Variants in ADAM23 observed in about 807,000 individuals in gnomAD.
ADAM23 encodes the protein ADAM metallopeptidase domain 23, also known as disintegrin and metalloproteinase domain-containing protein 23.
ADAM23 carries 33 observed loss-of-function variants against 120.1 expected under a neutral mutation model. The ratio of observed to expected loss-of-function variants is 0.27; its 90% confidence interval spans 0.21 to 0.37. The LOEUF is 0.37. ADAM23 is among the 10% of genes least tolerant of loss of function. The pLI is 1.00. For synonymous variants in ADAM23, 367 were observed against 375.2 expected (o/e 0.98, Z 0.25); for missense variants, 862 against 1,058.2 (o/e 0.81, Z 2.57).
chr2:206,469,518 A>G (rs1351447924), intron 2 of ADAM23, among the ~76,000 whole-genome samples: 4 of 152,130 alleles, frequency 2.6e-5, no homozygotes, highest in African/African-American at 9.7e-5. Context: ...TCTTAAGGCT[A>G]CTCTGCTTCT....
At chr2:206,605,810 C>T (rs750960354) in intron 24 of ADAM23, 18 of 701,780 alleles carry the variant, frequency 2.6e-5, no homozygotes, top group South Asian at 2.5e-4. Flanking sequence ...CACAAGCAGG[C>T]TAATAGGGGC....
rs1699028979 is a variant in ADAM23, at chr2:206,620,222, AC to A, written c.*2596del. On this transcript the variant is annotated 3_prime_UTR_variant, in exon 26 of 26. Coordinates refer to ENST00000264377, the MANE Select transcript of ADAM23 (RefSeq NM_003812.4). ...AACAACATTGTAAATGTGCGATGTT[AC>A]GTTTTAAATCAGACCACAGTGGTCC... 6.6e-6 allele frequency: 1 copy of A among 152,210 alleles called. No individual in the cohort carries two copies. The highest frequency in any genetic ancestry group is 2.1e-4 in the South Asian group (1 of 4,834). The allele number at this position is 152,210 out of a possible 1,614,324, so 9.4% of individuals were successfully genotyped here. A position where few individuals can be genotyped will look rare whatever the true frequency, so the allele number is the denominator to read the frequency against.
intron 3 of ADAM23, among the ~76,000 whole-genome samples, chr2:206,523,670 G>T (rs988723356): frequency 1.3e-5 from 2 of 151,864 alleles, no homozygotes; most frequent in African/African-American, 4.8e-5. Context: ...TTGAAAAATT[G>T]TTATACTTTT....
At chr2:206,612,422 G>C (rs144317120) in intron 25 of ADAM23, among the ~76,000 whole-genome samples, 2,234 of 152,250 alleles carry the variant, frequency 0.015, 21 homozygotes, top group Non-Finnish European at 0.024. Context: ...AGAATCAGAA[G>C]TTGAAAATAG....
chr2:206,477,891 A>ATATATATATATATATATATAT (rs1229595648), intron 2 of ADAM23, among the ~76,000 whole-genome samples: 36 of 94,388 alleles, frequency 3.8e-4, no homozygotes, highest in Middle Eastern at 5.0e-3. Flanking sequence ...AAAAAAAAAA[A>ATATATATATATATATATATAT]AAAAAAATAT....
At chr2:206,500,037 AT>A (rs1456138117) in intron 3 of ADAM23, among the ~76,000 whole-genome samples, 4 of 152,044 alleles carry the variant, frequency 2.6e-5, no homozygotes, top group East Asian at 1.9e-4. Context: ...GTTTGGAAGT[AT>A]TTTTTTATTA....
At chr2:206,516,053 G>A (rs1232249346) in intron 3 of ADAM23, among the ~76,000 whole-genome samples, 1 of 151,848 alleles carries the variant, frequency 6.6e-6, no homozygotes, top group Non-Finnish European at 1.5e-5. Flanking sequence ...TATTCACCCA[G>A]TTTAAAGAAG....
At chr2:206,461,309 G>T (rs1409020221) in intron 2 of ADAM23, among the ~76,000 whole-genome samples, 1 of 152,038 alleles carries the variant, frequency 6.6e-6, no homozygotes, top group Non-Finnish European at 1.5e-5. Context: ...TGACCCACCT[G>T]CCTTGGCCTC....
intron 19 of ADAM23, among the ~76,000 whole-genome samples, 186 bp from the exon 20 acceptor site, chr2:206,587,905 G>GTTTAGAGT: frequency 6.6e-6 from 1 of 152,212 alleles, no homozygotes; most frequent in Non-Finnish European, 1.5e-5. Flanking sequence ...AATGAGTTCT[G>GTTTAGAGT]TTTAGAGTTT....
In ADAM23 at chr2:206,619,287, A is replaced by T. The variant is rs1228515100; in HGVS notation, c.*1660A>T. On this transcript the variant is annotated 3_prime_UTR_variant, in exon 26 of 26. Coordinates refer to ENST00000264377, the MANE Select transcript of ADAM23 (RefSeq NM_003812.4). ...CCCTCCAGCCAGATTTGCAGATGTA[A>T]TCTGGGCTTTCCAAGTCCCTCTGAG... 1 of 152,218 alleles carries T rather than the reference A, an allele frequency of 6.6e-6. No homozygotes were observed. The highest frequency in any genetic ancestry group is 2.4e-5 in the African/African-American group (1 of 41,452). The allele number at this position is 152,218 out of a possible 1,614,324, so 9.4% of individuals were successfully genotyped here.
At chr2:206,588,178 C>T (rs115156616) in intron 20 of ADAM23, 24 bp downstream of exon 20, 23,340 of 1,611,484 alleles carry the variant, frequency 0.014, 291 homozygotes, top group Middle Eastern at 0.031. Flanking sequence ...CCTTGCTTGG[C>T]GGTTACACAT....
intron 3 of ADAM23, among the ~76,000 whole-genome samples, chr2:206,493,809 A>G (rs1696181332): frequency 6.6e-6 from 1 of 152,360 alleles, no homozygotes; most frequent in South Asian, 2.1e-4. Flanking sequence ...TAGAGAGCAC[A>G]TTTCATTTCT....
rs796522899 is a variant in ADAM23 at position 206,614,066 on chromosome 2, C to G, written c.2451-3513C>G. On this transcript the variant is annotated intron_variant, in intron 25 of 25. Coordinates refer to ENST00000264377, the MANE Select transcript of ADAM23 (RefSeq NM_003812.4). ...ACCTCATCACCACGTCTTACTCTCC[C>G]GCTACTTGCCCTGTCCATGGGATTC... Among the ~76,000 whole-genome samples the G allele has an allele frequency of 2.0e-5, 3 of 152,216 alleles. No homozygotes were observed. In the South Asian group the frequency reaches 6.2e-4, roughly 31 times the overall value.
rs1553548627 is a variant in ADAM23 at position 206,477,895 on chromosome 2, A to AT, written c.433-3337_433-3336insT. On this transcript the variant is annotated intron_variant, in intron 2 of 25. Transcript: ENST00000264377. ...AATATTCTGTTAAAAAAAAAAAAAA[A>AT]AAATATATATATATATATATATATA... Among the ~76,000 whole-genome samples, 412 of 102,016 alleles carry AT rather than the reference A, an allele frequency of 4.0e-3. 2 individuals are homozygous for AT. Among genetic ancestry groups the AT allele is most frequent in the African/African-American group, 9.9e-3 (216 of 21,866 alleles). 66.9% of individuals were successfully genotyped at this position (102,016 alleles called of 152,430 possible).
chr2:206,486,341 T>C lies in ADAM23; in HGVS notation c.509+5033T>C, dbSNP rs78603279. 1.7e-4 allele frequency among the ~76,000 whole-genome samples: 23 copies of C among 138,366 alleles called. No homozygotes were observed. In the East Asian group the frequency reaches 4.4e-3, roughly 27 times the overall value. The allele number at this position is 138,366 out of a possible 152,430, so 90.8% of individuals were successfully genotyped here. ...CTAGGGTAACGTTTCTTGTCTTTCC[T>C]TTTTTTTTTTTAGTGTCAAACAAGC... On this transcript the variant is annotated intron_variant, in intron 3 of 25. Coordinates refer to ENST00000264377, the MANE Select transcript of ADAM23 (RefSeq NM_003812.4).
chr2:206,556,194 C>G (rs1471618716), intron 9 of ADAM23, among the ~76,000 whole-genome samples: 2 of 151,648 alleles, frequency 1.3e-5, no homozygotes, highest in Non-Finnish European at 2.9e-5. Context: ...ATAATAATAG[C>G]AGAATATTAA....
intron 25 of ADAM23, among the ~76,000 whole-genome samples, chr2:206,614,166 A>G (rs1464037363): frequency 6.6e-6 from 1 of 152,204 alleles, no homozygotes; most frequent in Non-Finnish European, 1.5e-5. Context: ...TGTTAATTTA[A>G]TATTAATAAG....
chr2:206,615,453 G>A (rs1036279943), intron 25 of ADAM23, among the ~76,000 whole-genome samples: 1 of 152,170 alleles, frequency 6.6e-6, no homozygotes, highest in African/African-American at 2.4e-5. Flanking sequence ...TTTTCATAGA[G>A]AAAATTCAGA....
intron 3 of ADAM23, among the ~76,000 whole-genome samples, chr2:206,493,175 T>G (rs1375006465): frequency 1.3e-5 from 2 of 152,072 alleles, no homozygotes; most frequent in Non-Finnish European, 2.9e-5. Context: ...TCATCTAGAG[T>G]CATTTCTCCT....
Sources: allele counts gnomAD v4.1 joint callset (sites outside exome capture counted in the v4.1 genomes callset), GRCh38; gene constraint gnomAD v4.1.1; transcripts MANE v1.5; gene names NCBI Gene and HGNC (gene_info 2026-07-23, HGNC 2026-07-21).